The following UNC119B variants were observed in gnomAD, a reference collection of about 807,000 sequenced individuals.
UNC119B encodes unc-119 lipid binding chaperone B.
In UNC119B, 16 loss-of-function variants were observed where a neutral mutation model predicts 23.4. The observed-to-expected ratio is 0.68, with a 90% CI of 0.46 to 1.04. The LOEUF (loss-of-function observed/expected upper bound fraction) is 1.04. Ranked by LOEUF, UNC119B falls within the 50% of genes least tolerant of loss-of-function variation. The pLI, the probability that UNC119B is intolerant of heterozygous loss-of-function variation, is 0.00. For synonymous variants in UNC119B, 144 were observed against 145.4 expected (o/e 0.99, Z 0.07); for missense variants, 350 against 361.3 (o/e 0.97, Z 0.25).
In UNC119B at chr12:120,716,995, A is replaced by G; in HGVS notation, c.596A>G (p.Asn199Ser). 1 of 1,611,824 alleles carries G rather than the reference A, an allele frequency of 6.2e-7. No individual in the cohort carries two copies. The highest frequency in any genetic ancestry group is 8.5e-7 in the Non-Finnish European group (1 of 1,178,782). The change falls in exon 4 of 5, where the codon AAC becomes AGC. Residue 199 changes from asparagine to serine, a missense_variant. By Grantham distance (46) the Asn-to-Ser change is conservative. Coordinates refer to ENST00000344651, the MANE Select transcript of UNC119B (RefSeq NM_001080533.3). Reference sequence around the variant, plus strand: ...GGCTTCTGCATCCCCAGCAGTAGGAACACTTGTGAACATATCTATGAGTTT... The same window carrying G: ...GGCTTCTGCATCCCCAGCAGTAGGAGCACTTGTGAACATATCTATGAGTTT... ...DFGFCIPSSR[N>S]TCEHIYEFPQ... is the part of the protein sequence containing the mutation.
chr12:120,716,516 T>C (rs1012380989), intron 2 of UNC119B, 112 bp from the exon 3 acceptor site: 5 of 1,094,694 alleles, frequency 4.6e-6, no homozygotes, highest in Admixed American at 1.7e-5. Context: ...GCCATTCTTC[T>C]TGTTGGTGTG....
intron 4 of UNC119B, among the ~76,000 whole-genome samples, chr12:120,718,160 G>A (rs1370591422): frequency 6.6e-6 from 1 of 152,156 alleles, no homozygotes; most frequent in Non-Finnish European, 1.5e-5. Context: ...GAGCCACTGC[G>A]CCCGGCCGGT....
chr12:120,716,154 C>T (rs1038621684), intron 2 of UNC119B, among the ~76,000 whole-genome samples: 5 of 152,178 alleles, frequency 3.3e-5, no homozygotes, highest in South Asian at 4.1e-4. Context: ...TTGGTGCTAG[C>T]GCTTCAACTT....
In UNC119B at chr12:120,722,339, T is replaced by G. The variant is rs568821825; in HGVS notation, c.*2307T>G. 3.3e-5 allele frequency: 5 copies of G among 152,606 alleles called. No individual in the cohort carries two copies. The South Asian group carries it at 1.0e-3, about 32-fold the overall frequency. The allele number at this position is 152,606 out of a possible 1,614,324, so 9.5% of individuals were successfully genotyped here. Reference sequence around the variant, plus strand: ...AAGTCTGGTGTTCTGTATCTGGGGCTGTGGGTTCCTGTGTCTAGCTGCTCA... The same window carrying G: ...AAGTCTGGTGTTCTGTATCTGGGGCGGTGGGTTCCTGTGTCTAGCTGCTCA... On this transcript the variant is annotated 3_prime_UTR_variant, in exon 5 of 5. Transcript: ENST00000344651.
chr12:120,721,432 CTG>C lies in UNC119B; in HGVS notation c.*1403_*1404del, dbSNP rs893745764. 1 of 152,286 alleles carries C rather than the reference CTG, an allele frequency of 6.6e-6. No individual in the cohort carries two copies. Among genetic ancestry groups the C allele is most frequent in the Non-Finnish European group, 1.5e-5 (1 of 68,090 alleles). The allele number at this position is 152,286 out of a possible 1,614,324, so 9.4% of individuals were successfully genotyped here. A position where few individuals can be genotyped will look rare whatever the true frequency, so the allele number is the denominator to read the frequency against. On this transcript the variant is annotated 3_prime_UTR_variant, in exon 5 of 5. Coordinates refer to ENST00000344651, the MANE Select transcript of UNC119B (RefSeq NM_001080533.3). Reference sequence around the variant, plus strand: ...AAAGGCCCAGGTATCTGGTAAGTGACTGTGAGGTGTCACAGTACCTGTGACAG... The same window carrying C: ...AAAGGCCCAGGTATCTGGTAAGTGACTGAGGTGTCACAGTACCTGTGACAG...
rs1566021307 is a variant in UNC119B, at chr12:120,721,068, T to TG, written c.*1040dup. ...CACAGCCTGGAGGATTGGCTTTTGA[T>TG]GGGGATTTGCCTCCGAAGCTCTTTG... On this transcript the variant is annotated 3_prime_UTR_variant, in exon 5 of 5. Transcript: ENST00000344651. 1 of 152,180 alleles carries TG rather than the reference T, an allele frequency of 6.6e-6. No individual in the cohort carries two copies. The highest frequency in any genetic ancestry group is 1.5e-5 in the Non-Finnish European group (1 of 68,032). The allele number at this position is 152,180 out of a possible 1,614,324, so 9.4% of individuals were successfully genotyped here.
At chr12:120,716,771 T>C in intron 3 of UNC119B, 32 bp downstream of exon 3, 1 of 1,608,918 alleles carries the variant, frequency 6.2e-7, no homozygotes, top group East Asian at 2.2e-5. Context: ...GGGGAGAACA[T>C]TCTGTTTGTT....
intron 4 of UNC119B, among the ~76,000 whole-genome samples, chr12:120,717,279 C>G (rs536072931): frequency 6.6e-6 from 1 of 152,070 alleles, no homozygotes; most frequent in Admixed American, 6.5e-5. Flanking sequence ...TTGTTTTTTT[C>G]CCCTGAGACA....
Position 120,710,642 on chromosome 12 carries a change from G to A in UNC119B, c.168G>A (p.Ala56=), listed in dbSNP as rs1275284451. Residue 56 remains alanine (A), a synonymous_variant, in exon 1 of 5, where the codon GCG becomes GCA. Transcript: ENST00000344651. ...CGGCCGACGACGGCGTCGGGGCAGC[G>A]GTCACGGAGCAGGAGCTGCTGGCGC... ...HHAADDGVGA[A]VTEQELLALD... is the part of the protein sequence containing the mutation. 2 of 1,448,054 alleles carry A rather than the reference G, an allele frequency of 1.4e-6. No individual in the cohort carries two copies. The highest frequency in any genetic ancestry group is 2.4e-4 in the Middle Eastern group (1 of 4,110). 89.7% of individuals were successfully genotyped at this position (1,448,054 alleles called of 1,614,324 possible).
At position 120,711,482 on chromosome 12, in the gene UNC119B, A is replaced by T. The variant is rs538476516; in HGVS notation, c.244+764A>T. ...TTTCGTTGATAGGAGGATGGGTGGG[A>T]AGAAAAATGTTGCCCAGTCCCTGCC... On this transcript the variant is annotated intron_variant, in intron 1 of 4. Coordinates refer to ENST00000344651, the MANE Select transcript of UNC119B (RefSeq NM_001080533.3). 2.5e-4 allele frequency: 38 copies of T among 152,316 alleles called. 1 individual carries two copies. Among genetic ancestry groups the T allele is most frequent in the African/African-American group, 8.4e-4 (35 of 41,562 alleles). The allele number at this position is 152,316 out of a possible 1,614,324, so 9.4% of individuals were successfully genotyped here.
chr12:120,720,766 C>T lies in UNC119B; in HGVS notation c.*734C>T, dbSNP rs1882880132. 1 of 152,268 alleles carries T rather than the reference C, an allele frequency of 6.6e-6. No homozygotes were observed. Among genetic ancestry groups the T allele is most frequent in the Non-Finnish European group, 1.5e-5 (1 of 68,058 alleles). The allele number at this position is 152,268 out of a possible 1,614,324, so 9.4% of individuals were successfully genotyped here. A position where few individuals can be genotyped will look rare whatever the true frequency, so the allele number is the denominator to read the frequency against. On this transcript the variant is annotated 3_prime_UTR_variant, in exon 5 of 5. Transcript: ENST00000344651. Reference sequence around the variant, plus strand: ...AAGCTTGCTCCACATCTCCTGGCTCCTCCCTTCTGAGTCTCATGAAATAGA... The same window carrying T: ...AAGCTTGCTCCACATCTCCTGGCTCTTCCCTTCTGAGTCTCATGAAATAGA...
chr12:120,716,889 G>A lies in UNC119B; in HGVS notation c.490G>A (p.Asp164Asn). ...VGATVEFTVG[D>N]KPVSNFRMIE... ...TTCCAGGGTGGAGTTCACAGTGGGA[G>A]ACAAACCTGTTTCAAACTTCCGGAT... is the stretch of plus-strand genomic sequence containing the variant. The change falls in exon 4 of 5, where the codon GAC (aspartate) becomes AAC (asparagine). Residue 164 changes from aspartate (D) to asparagine (N), a missense_variant. By Grantham distance (23) the Asp-to-Asn change is conservative. Transcript: ENST00000344651. 1 of 1,612,058 alleles carries A rather than the reference G, an allele frequency of 6.2e-7. No individual in the cohort carries two copies. The highest frequency in any genetic ancestry group is 8.5e-7 in the Non-Finnish European group (1 of 1,178,720).
At chr12:120,715,988 A>G (rs1882772778) in intron 2 of UNC119B, among the ~76,000 whole-genome samples, 1 of 152,228 alleles carries the variant, frequency 6.6e-6, no homozygotes, top group Non-Finnish European at 1.5e-5. Flanking sequence ...AACATCAGTC[A>G]AGGAACTATA....
rs1246407546 is a variant in UNC119B at position 120,720,057 on chromosome 12, G to T, written c.*25G>T. 6.5e-7 allele frequency: 1 copy of T among 1,543,310 alleles called. No individual in the cohort carries two copies. Among genetic ancestry groups the T allele is most frequent in the Non-Finnish European group, 9.0e-7 (1 of 1,117,234 alleles). ...AGTGCTGCAAGAGTAGATAGGGGAG[G>T]TGCTTTGCCGCGGCCACAAGATCCT... On this transcript the variant is annotated 3_prime_UTR_variant, in exon 5 of 5. Coordinates refer to ENST00000344651, the MANE Select transcript of UNC119B (RefSeq NM_001080533.3).
chr12:120,722,139 T>G lies in UNC119B; in HGVS notation c.*2107T>G, dbSNP rs1882923166. On this transcript the variant is annotated 3_prime_UTR_variant, in exon 5 of 5. Coordinates refer to ENST00000344651, the MANE Select transcript of UNC119B (RefSeq NM_001080533.3). The stretch of plus-strand genomic sequence containing the variant: ...ATCTGCTACATTAGTGGGCTATCTC[T>G]TATCTGCAGTGTTCGCTTTTGCTAG... 3 of 152,328 alleles carry G rather than the reference T, an allele frequency of 2.0e-5. No homozygotes were observed. Among genetic ancestry groups the G allele is most frequent in the South Asian group, 4.1e-4 (2 of 4,832 alleles). The allele number at this position is 152,328 out of a possible 1,614,324, so 9.4% of individuals were successfully genotyped here.
rs1882951075 is a variant in UNC119B, at chr12:120,723,233, C to T, written c.*3201C>T. On this transcript the variant is annotated 3_prime_UTR_variant, in exon 5 of 5. Transcript: ENST00000344651. ...GATGAGGACAGTGTGTCCTGAAATT[C>T]ACAGGACTGACTCCTCACCCCAGTG... 6.5e-6 allele frequency: 1 copy of T among 154,666 alleles called. No individual in the cohort carries two copies. Among genetic ancestry groups the T allele is most frequent in the Admixed American group, 6.5e-5 (1 of 15,282 alleles). The allele number at this position is 154,666 out of a possible 1,614,324, so 9.6% of individuals were successfully genotyped here.
At chr12:120,717,277 T>C (rs1882802009) in intron 4 of UNC119B, among the ~76,000 whole-genome samples, 1 of 152,142 alleles carries the variant, frequency 6.6e-6, no homozygotes, top group South Asian at 2.1e-4. Context: ...TTTTGTTTTT[T>C]TCCCCTGAGA....
chr12:120,720,291 C>A lies in UNC119B; in HGVS notation c.*259C>A. The A allele has an allele frequency of 2.5e-6, 1 of 394,858 alleles. No homozygotes were observed. 24.5% of individuals were successfully genotyped at this position (394,858 alleles called of 1,614,324 possible). On this transcript the variant is annotated 3_prime_UTR_variant, in exon 5 of 5. Coordinates refer to ENST00000344651, the MANE Select transcript of UNC119B (RefSeq NM_001080533.3). The stretch of plus-strand genomic sequence containing the variant: ...TAAAGTAAAAGGTTAGGATAAGGGT[C>A]CTGGAATCCAGATAAAAAAGTTTAT...
At position 120,720,113 on chromosome 12, in the gene UNC119B, G is replaced by T. The variant is rs1882861472; in HGVS notation, c.*81G>T. 2 of 1,102,550 alleles carry T rather than the reference G, an allele frequency of 1.8e-6. No homozygotes were observed. The highest frequency in any genetic ancestry group is 2.7e-6 in the Non-Finnish European group (2 of 738,902). 68.3% of individuals were successfully genotyped at this position (1,102,550 alleles called of 1,614,324 possible). ...ACGGAGATGATCGAAGCTGCAGTTT[G>T]TCAACACACATCTGGAACCTGGCCC... is the stretch of plus-strand genomic sequence containing the variant. On this transcript the variant is annotated 3_prime_UTR_variant, in exon 5 of 5. Coordinates refer to ENST00000344651, the MANE Select transcript of UNC119B (RefSeq NM_001080533.3).
Sources: allele counts gnomAD v4.1 joint callset (sites outside exome capture counted in the v4.1 genomes callset), GRCh38; gene constraint gnomAD v4.1.1; transcripts MANE v1.5; gene names NCBI Gene and HGNC (gene_info 2026-07-23, HGNC 2026-07-21).